SLC24A2: variants seen among roughly 807,000 people sequenced by gnomAD.
SLC24A2 encodes sodium/potassium/calcium exchanger 2.
In SLC24A2, 36 loss-of-function variants were observed where a neutral mutation model predicts 62.0. That is an observed-to-expected ratio of 0.58 (90% CI 0.44 to 0.77). SLC24A2 has a LOEUF of 0.77. Ranked by LOEUF, SLC24A2 falls within the 30% of genes least tolerant of loss-of-function variation. The probability of loss-of-function intolerance (pLI) is 0.00; values close to 1 mark genes in which losing one functional copy is unlikely to be tolerated. For synonymous variants in SLC24A2, 358 were observed against 294.0 expected (o/e 1.22, Z -2.23); for missense variants, 846 against 817.9 (o/e 1.03, Z -0.42).
chr9:19,726,359 A>G (rs954220034), intron 2 of SLC24A2, among the ~76,000 whole-genome samples: 8 of 152,186 alleles, frequency 5.3e-5, no homozygotes, highest in Admixed American at 2.0e-4. Flanking sequence ...CTCTAGTTCT[A>G]TATTTTCGTG....
the SLC24A2 span, among the ~76,000 whole-genome samples, chr9:20,045,909 C>G: frequency 6.6e-6 from 1 of 152,100 alleles, no homozygotes; most frequent in African/African-American, 2.4e-5. Flanking sequence ...GGGTTTGAAC[C>G]TGGTAGGCTG....
the SLC24A2 span, among the ~76,000 whole-genome samples, chr9:20,241,484 C>T: frequency 1.8e-3 from 268 of 152,224 alleles, 1 homozygote; most frequent in African/African-American, 6.2e-3. Context: ...ATGCCTAGAC[C>T]TCTCAGCATA....
intron 2 of SLC24A2, among the ~76,000 whole-genome samples, chr9:19,689,282 G>A (rs1819974451): frequency 6.6e-6 from 1 of 152,086 alleles, no homozygotes; most frequent in Non-Finnish European, 1.5e-5. Context: ...GAAAAAAAGA[G>A]CAAATAAATC....
the SLC24A2 span, among the ~76,000 whole-genome samples, chr9:19,840,159 A>G: frequency 1.3e-5 from 2 of 152,198 alleles, no homozygotes; most frequent in African/African-American, 2.4e-5. Context: ...CTCTGCATAG[A>G]TGGTTAATTG....
chr9:20,090,434 G>A, the SLC24A2 span, among the ~76,000 whole-genome samples: 512 of 152,222 alleles, frequency 3.4e-3, 3 homozygotes, highest in African/African-American at 0.012. Context: ...AGGAGCCCAC[G>A]CTATCAGAGC....
At chr9:20,099,974 T>C in the SLC24A2 span, among the ~76,000 whole-genome samples, 6 of 152,290 alleles carry the variant, frequency 3.9e-5, no homozygotes, top group African/African-American at 1.2e-4. Context: ...CTATTTTTAT[T>C]ACTCTCTCTT....
the SLC24A2 span, among the ~76,000 whole-genome samples, chr9:19,939,300 A>C: frequency 6.6e-6 from 1 of 152,240 alleles, no homozygotes; most frequent in African/African-American, 2.4e-5. Flanking sequence ...ATACAAACCT[A>C]GATGGTATAG....
the SLC24A2 span, among the ~76,000 whole-genome samples, chr9:20,249,573 C>T: frequency 3.9e-5 from 6 of 151,916 alleles, no homozygotes; most frequent in East Asian, 3.9e-4. Context: ...GACGTGGTGG[C>T]GGGCTCCTGT....
chr9:19,905,562 C>T, the SLC24A2 span, among the ~76,000 whole-genome samples: 6 of 151,874 alleles, frequency 4.0e-5, no homozygotes, highest in Non-Finnish European at 5.9e-5. Context: ...TACAGGCATG[C>T]GCTACCACAC....
chr9:20,154,767 T>A, the SLC24A2 span, among the ~76,000 whole-genome samples: 1 of 151,702 alleles, frequency 6.6e-6, no homozygotes, highest in Non-Finnish European at 1.5e-5. Context: ...ATCTCCAGAT[T>A]GATGCAGTAA....
chr9:20,297,278 G>C, the SLC24A2 span, among the ~76,000 whole-genome samples: 1 of 152,256 alleles, frequency 6.6e-6, no homozygotes, highest in East Asian at 1.9e-4. Flanking sequence ...CAAAATCCAG[G>C]TTAGGACCCA....
intron 8 of SLC24A2, among the ~76,000 whole-genome samples, chr9:19,546,608 T>A (rs1048296141): frequency 6.6e-6 from 1 of 152,202 alleles, no homozygotes; most frequent in African/African-American, 2.4e-5. Flanking sequence ...GTTGTGGATC[T>A]TAGCTTGCTG....
the SLC24A2 span, among the ~76,000 whole-genome samples, chr9:20,018,039 C>T: frequency 3.3e-5 from 5 of 152,300 alleles, no homozygotes; most frequent in Admixed American, 6.5e-5. Flanking sequence ...CTCCACCTCC[C>T]GGGTTCATGC....
chr9:19,954,566 C>A, the SLC24A2 span, among the ~76,000 whole-genome samples: 2 of 151,672 alleles, frequency 1.3e-5, no homozygotes, highest in African/African-American at 4.8e-5. Flanking sequence ...ATGTATTAGC[C>A]AATAAAACAT....
chr9:20,263,861 G>GCCCCCC, the SLC24A2 span, among the ~76,000 whole-genome samples: 39 of 30,830 alleles, frequency 1.3e-3, no homozygotes, highest in South Asian at 3.1e-3. Context: ...TATCCCACCC[G>GCCCCCC]CCCCCCCCCC....
At chr9:20,134,064 A>T in the SLC24A2 span, among the ~76,000 whole-genome samples, 1 of 152,178 alleles carries the variant, frequency 6.6e-6, no homozygotes, top group Non-Finnish European at 1.5e-5. Flanking sequence ...AACGATGTAC[A>T]CATAGATTCA....
chr9:19,642,606 G>C (rs1357055292), intron 2 of SLC24A2, among the ~76,000 whole-genome samples: 1 of 150,162 alleles, frequency 6.7e-6, no homozygotes, highest in East Asian at 2.0e-4. Flanking sequence ...ACCAAATAGA[G>C]TTTGTTTCAT....
chr9:19,697,866 A>G (rs1820238281), intron 2 of SLC24A2, among the ~76,000 whole-genome samples: 1 of 152,166 alleles, frequency 6.6e-6, no homozygotes, highest in African/African-American at 2.4e-5. Context: ...ACCTGAAAAA[A>G]CAATTTCTAA....
chr9:20,051,268 A>G, the SLC24A2 span, among the ~76,000 whole-genome samples: 9 of 152,198 alleles, frequency 5.9e-5, no homozygotes, highest in Non-Finnish European at 1.3e-4. Context: ...GGGTCACTTC[A>G]TAATTATAAT....
Sources: allele counts gnomAD v4.1 joint callset (sites outside exome capture counted in the v4.1 genomes callset), GRCh38; gene constraint gnomAD v4.1.1; transcripts MANE v1.5; gene names NCBI Gene and HGNC (gene_info 2026-07-23, HGNC 2026-07-21).